Variants in PHF24 observed in about 807,000 individuals in gnomAD.
PHF24 encodes Galpha inhibitory interacting protein.
A neutral mutation model predicts 42.6 loss-of-function variants in PHF24; 25 were observed. That is an observed-to-expected ratio of 0.59 (90% CI 0.43 to 0.82). PHF24 has a LOEUF of 0.82. Ranked by LOEUF, PHF24 falls within the 40% of genes least tolerant of loss-of-function variation. The pLI is 0.00. For missense variants in PHF24, 470 were observed against 538.1 expected (o/e 0.87, Z 1.25); for synonymous variants, 185 against 204.8 (o/e 0.90, Z 0.83).
At chr9:34,715,902 C>T in the PHF24 span, among the ~76,000 whole-genome samples, 2 of 152,202 alleles carry the variant, frequency 1.3e-5, no homozygotes, top group Non-Finnish European at 2.9e-5. Flanking sequence ...GTCTCAGGCC[C>T]GTTTGCTCTT....
chr9:34,693,222 C>T, the PHF24 span, among the ~76,000 whole-genome samples: 6,722 of 152,268 alleles, frequency 0.044, 231 homozygotes, highest in South Asian at 0.065. Context: ...CCTATCCATT[C>T]TCCACTCTTC....
chr9:34,755,723 C>G, the PHF24 span, among the ~76,000 whole-genome samples: 1 of 152,186 alleles, frequency 6.6e-6, no homozygotes, highest in African/African-American at 2.4e-5. Flanking sequence ...ATAGCTCACT[C>G]TAACCTTGAA....
At chr9:34,689,224 T>G in the PHF24 span, among the ~76,000 whole-genome samples, 4 of 152,242 alleles carry the variant, frequency 2.6e-5, no homozygotes, top group East Asian at 7.7e-4. This position sits in a 1 kb window ranked among gnomAD's most constrained non-coding sequence, Gnocchi z 4.1. Context: ...GACACCTGGA[T>G]GCTTGAACAC....
chr9:34,753,935 T>A, the PHF24 span, among the ~76,000 whole-genome samples: 2 of 152,180 alleles, frequency 1.3e-5, no homozygotes, highest in Admixed American at 1.3e-4. Flanking sequence ...GAAATCCATA[T>A]GCAGAAGAAT....
At chr9:34,750,193 A>G in the PHF24 span, among the ~76,000 whole-genome samples, 1 of 152,180 alleles carries the variant, frequency 6.6e-6, no homozygotes, top group Admixed American at 6.5e-5. Flanking sequence ...ATCAAAAATA[A>G]TAACTCCAAC....
the PHF24 span, among the ~76,000 whole-genome samples, chr9:34,670,988 A>G: frequency 2.6e-5 from 4 of 152,176 alleles, no homozygotes; most frequent in Admixed American, 2.0e-4. Flanking sequence ...AAGTGAAGCT[A>G]AATGGAACAT....
At chr9:34,801,215 A>T in the PHF24 span, among the ~76,000 whole-genome samples, 1 of 152,064 alleles carries the variant, frequency 6.6e-6, no homozygotes, top group Admixed American at 6.6e-5. Flanking sequence ...CTGTTAGTTC[A>T]ACCATTGTGG....
chr9:34,696,647 T>A, the PHF24 span, among the ~76,000 whole-genome samples: 1 of 152,106 alleles, frequency 6.6e-6, no homozygotes, highest in African/African-American at 2.4e-5. Flanking sequence ...GCCCTTATCC[T>A]GGAATAAAGG....
chr9:34,686,181 G>T, the PHF24 span, among the ~76,000 whole-genome samples: 2 of 152,136 alleles, frequency 1.3e-5, no homozygotes, highest in Non-Finnish European at 2.9e-5. Flanking sequence ...TCCTACAGAG[G>T]GGCACTTGCA....
chr9:34,873,164 C>T, the PHF24 span, among the ~76,000 whole-genome samples: 1 of 151,348 alleles, frequency 6.6e-6, no homozygotes, highest in East Asian at 1.9e-4. Context: ...TGCCTGTTCA[C>T]TCTGATGGTA....
chr9:34,835,140 A>C, the PHF24 span: 1 of 1,545,590 alleles, frequency 6.5e-7, no homozygotes. Context: ...GTTTGCTGAC[A>C]GTGGTGTCTT....
the PHF24 span, among the ~76,000 whole-genome samples, chr9:34,914,042 T>G: frequency 9.2e-5 from 14 of 152,324 alleles, no homozygotes; most frequent in African/African-American, 3.4e-4. Context: ...TATAGTCACT[T>G]CACAGATATT....
At chr9:34,711,249 C>CTT in the PHF24 span, among the ~76,000 whole-genome samples, 4 of 141,962 alleles carry the variant, frequency 2.8e-5, no homozygotes, top group Non-Finnish European at 3.1e-5. Context: ...TAGCTTTTAT[C>CTT]TTTTTTTTTT....
chr9:34,787,809 T>A, the PHF24 span, among the ~76,000 whole-genome samples: 2 of 152,348 alleles, frequency 1.3e-5, no homozygotes, highest in East Asian at 3.9e-4. Flanking sequence ...CCAGAAGCGA[T>A]GGCTCTCATA....
the PHF24 span, among the ~76,000 whole-genome samples, chr9:34,856,874 A>T: frequency 6.6e-6 from 1 of 152,208 alleles, no homozygotes; most frequent in Non-Finnish European, 1.5e-5. Context: ...AGTTGGCTGA[A>T]CCACAAAGAC....
chr9:34,844,600 C>G, the PHF24 span, among the ~76,000 whole-genome samples: 1 of 152,024 alleles, frequency 6.6e-6, no homozygotes, highest in African/African-American at 2.4e-5. Context: ...TTCCCAAATT[C>G]TTCCTGTTAA....
chr9:34,677,180 C>T, the PHF24 span, among the ~76,000 whole-genome samples: 1 of 152,294 alleles, frequency 6.6e-6, no homozygotes, highest in South Asian at 2.1e-4. Context: ...CCTGGTTTTT[C>T]CCTTGCCCTT....
chr9:34,837,051 A>G, the PHF24 span: 2 of 471,026 alleles, frequency 4.2e-6, no homozygotes, highest in African/African-American at 2.0e-5. Flanking sequence ...GAGACTGCAA[A>G]CAGCAATAGA....
the PHF24 span, among the ~76,000 whole-genome samples, chr9:34,666,805 G>T: frequency 1.3e-5 from 2 of 152,248 alleles, no homozygotes; most frequent in East Asian, 3.9e-4. Flanking sequence ...AGTTAGCCGG[G>T]CGTGGTGGCA....
Sources: gnomAD v4.1 joint callset for allele counts (sites outside exome capture counted in the v4.1 genomes callset) on GRCh38, gnomAD v4.1.1 for gene constraint, Gnocchi (gnomAD v3.1) non-coding constraint, MANE v1.5 for transcripts, NCBI Gene and HGNC (gene_info 2026-07-23, HGNC 2026-07-21) for gene names.